COL25A1: variants seen among roughly 807,000 people sequenced by gnomAD.
COL25A1 encodes the protein collagen alpha-1(XXV) chain.
COL25A1 carries 103 observed loss-of-function variants against 128.4 expected under a neutral mutation model. That is an observed-to-expected ratio of 0.80 (90% CI 0.68 to 0.94). The LOEUF is 0.94. COL25A1 is among the 40% of genes least tolerant of loss of function. The pLI, the probability that COL25A1 is intolerant of heterozygous loss-of-function variation, is 0.00. For synonymous variants in COL25A1, 279 were observed against 277.2 expected, an observed-to-expected ratio of 1.01 and a Z score of -0.06; for missense variants, 745 against 840.0, an observed-to-expected ratio of 0.89 and a Z score of 1.40.
chr4:108,962,973 C>T (rs1750894572), intron 8 of COL25A1, among the ~76,000 whole-genome samples: 1 of 152,178 alleles, frequency 6.6e-6, no homozygotes, highest in South Asian at 2.1e-4. Flanking sequence ...TTGTGATTTA[C>T]AGGCTGTGTC....
intron 3 of COL25A1, among the ~76,000 whole-genome samples, chr4:109,100,118 A>G (rs1215481661): frequency 6.6e-6 from 1 of 152,108 alleles, no homozygotes; most frequent in African/African-American, 2.4e-5. Context: ...AAATGGTGCA[A>G]TTTTTCTGAA....
chr4:108,885,114 G>A (rs1204106597), intron 18 of COL25A1, among the ~76,000 whole-genome samples: 3 of 152,106 alleles, frequency 2.0e-5, no homozygotes, highest in Non-Finnish European at 4.4e-5. Context: ...ATACTACTTC[G>A]TGATGGCCAG....
intron 3 of COL25A1, among the ~76,000 whole-genome samples, chr4:109,147,832 AAAG>A (rs1771098531): frequency 6.6e-6 from 1 of 152,160 alleles, no homozygotes; most frequent in Admixed American, 6.5e-5. Context: ...AAAAAAAAAA[AAAG>A]TACTGGAGTA....
In COL25A1 at chr4:109,002,830, G is replaced by A. The variant is rs143244480; in HGVS notation, c.438+7528C>T. On this transcript the variant is annotated intron_variant, in intron 6 of 37. Coordinates refer to ENST00000399132, the MANE Select transcript of COL25A1 (RefSeq NM_198721.4). ...CAGAACTTGCAGGTTTGTTACACAG[G>A]TATGCATCTGCCATGGTGGTTTGCT... Among the ~76,000 whole-genome samples the A allele has an allele frequency of 1.1e-3, 170 of 152,092 alleles. 4 individuals are homozygous for A. In the East Asian group the frequency reaches 0.031, roughly 28 times the overall value.
intron 3 of COL25A1, among the ~76,000 whole-genome samples, chr4:109,216,489 T>C (rs1277426550): frequency 6.6e-6 from 1 of 152,154 alleles, no homozygotes; most frequent in African/African-American, 2.4e-5. Context: ...CAAATTAATA[T>C]GATGTCATCC....
chr4:109,253,371 T>C (rs559267182), intron 3 of COL25A1, among the ~76,000 whole-genome samples: 1 of 152,262 alleles, frequency 6.6e-6, no homozygotes, highest in Non-Finnish European at 1.5e-5. Flanking sequence ...AGGTATAAGC[T>C]GCAGTCCAAG....
chr4:108,838,109 G>C (rs1246888688), intron 31 of COL25A1: 3 of 1,549,156 alleles, frequency 1.9e-6, no homozygotes, highest in African/African-American at 1.4e-5. Flanking sequence ...GGAAGACCAA[G>C]GGGTCCTCTG....
chr4:109,184,941 T>C (rs972068069), intron 3 of COL25A1, among the ~76,000 whole-genome samples: 5 of 152,224 alleles, frequency 3.3e-5, no homozygotes, highest in African/African-American at 1.2e-4. Flanking sequence ...ATCCCATCTC[T>C]TGATCCTGAT....
intron 8 of COL25A1, among the ~76,000 whole-genome samples, chr4:108,968,682 T>A (rs1159780830): frequency 6.6e-6 from 1 of 152,146 alleles, no homozygotes; most frequent in African/African-American, 2.4e-5. Flanking sequence ...GGATTTCAAT[T>A]CTCCCTCTGT....
chr4:108,813,962 T>A (rs1190789766), intron 37 of COL25A1, 33 bp from the exon 38 acceptor site: 1 of 1,545,044 alleles, frequency 6.5e-7, no homozygotes. Context: ...GACAAATACA[T>A]GGAATTAGTA....
At chr4:109,014,444 A>C (rs1269118215) in intron 5 of COL25A1, among the ~76,000 whole-genome samples, 1 of 152,134 alleles carries the variant, frequency 6.6e-6, no homozygotes, top group Admixed American at 6.5e-5. Flanking sequence ...TTTGTTTAGT[A>C]TAGTTGTGAT....
chr4:108,812,878 G>A lies in COL25A1; in HGVS notation c.*1049C>T, dbSNP rs914625091. 1.3e-5 allele frequency: 2 copies of A among 152,124 alleles called. No individual in the cohort carries two copies. Among genetic ancestry groups the A allele is most frequent in the Admixed American group, 1.3e-4 (2 of 15,268 alleles). 9.4% of individuals were successfully genotyped at this position (152,124 alleles called of 1,614,324 possible). ...TTATTTCTTCAGCAACCCAAGTTTT[G>A]GTGGGATGGACATCCCTTTTCCCTC... is the stretch of plus-strand genomic sequence containing the variant. On this transcript the variant is annotated 3_prime_UTR_variant, in exon 38 of 38. Transcript: ENST00000399132.
In COL25A1 at chr4:109,216,293, GGAAGGACGGAAGGAAGGAAA is replaced by G. The variant is rs796620061; in HGVS notation, c.367+84270_367+84289del. Reference sequence around the variant, plus strand: ...AAAAAGGAAGGAAGGAAGGAAGGAAGGAAGGACGGAAGGAAGGAAAGACGGAAGGAAGGAAGGGGGGGCAG... The same window carrying G: ...AAAAAGGAAGGAAGGAAGGAAGGAAGGACGGAAGGAAGGAAGGGGGGGCAG... On this transcript the variant is annotated intron_variant, in intron 3 of 37. Transcript: ENST00000399132. 1.6e-3 allele frequency among the ~76,000 whole-genome samples: 244 copies of G among 151,154 alleles called. 1 individual carries two copies. The highest frequency in any genetic ancestry group is 6.8e-3 in the Middle Eastern group (2 of 294).
At chr4:108,964,128 AAATT>A (rs1236198727) in intron 8 of COL25A1, among the ~76,000 whole-genome samples, 2 of 150,422 alleles carry the variant, frequency 1.3e-5, no homozygotes, top group African/African-American at 4.9e-5. Context: ...GTAAATAAGA[AAATT>A]AATTAAAATA....
At position 108,885,377 on chromosome 4, in the gene COL25A1, A is replaced by G. The variant is rs189379209; in HGVS notation, c.976-1155T>C. On this transcript the variant is annotated intron_variant, in intron 18 of 37. Coordinates refer to ENST00000399132, the MANE Select transcript of COL25A1 (RefSeq NM_198721.4). ...CTGTGTGATTAGACCAAAAAAGGACAATGGTTTTCTTGATGATTTAGGTCA... is the reference window on the plus strand; with the variant it reads ...CTGTGTGATTAGACCAAAAAAGGACGATGGTTTTCTTGATGATTTAGGTCA... 2.0e-5 allele frequency among the ~76,000 whole-genome samples: 3 copies of G among 152,170 alleles called. No individual in the cohort carries two copies. In the East Asian group the frequency reaches 5.8e-4, roughly 30 times the overall value.
intron 3 of COL25A1, among the ~76,000 whole-genome samples, chr4:109,060,708 A>G (rs1337375619): frequency 6.6e-6 from 1 of 152,040 alleles, no homozygotes; most frequent in Non-Finnish European, 1.5e-5. Context: ...AAACAAAAAA[A>G]CATTACCTTC....
At chr4:109,139,618 G>C (rs1770182626) in intron 3 of COL25A1, among the ~76,000 whole-genome samples, 2 of 152,096 alleles carry the variant, frequency 1.3e-5, no homozygotes, top group South Asian at 4.2e-4. Context: ...GTTTCTCAAA[G>C]ATCAGATGGT....
At chr4:109,238,722 G>C (rs1445654805) in intron 3 of COL25A1, among the ~76,000 whole-genome samples, 1 of 152,038 alleles carries the variant, frequency 6.6e-6, no homozygotes, top group South Asian at 2.1e-4. Flanking sequence ...CAGCAGCTCT[G>C]CTTCTCCTTG....
chr4:109,100,416 AG>A (rs1765785380), intron 3 of COL25A1, among the ~76,000 whole-genome samples: 1 of 138,102 alleles, frequency 7.2e-6, no homozygotes, highest in Non-Finnish European at 1.5e-5. Flanking sequence ...CATTTTTGTG[AG>A]AAAAAAAAAA....
Sources: gnomAD v4.1 joint callset for allele counts (sites outside exome capture counted in the v4.1 genomes callset) on GRCh38, gnomAD v4.1.1 for gene constraint, MANE v1.5 for transcripts, NCBI Gene and HGNC (gene_info 2026-07-23, HGNC 2026-07-21) for gene names.